The following FLACC1 variants were observed in gnomAD, a reference collection of about 807,000 sequenced individuals.
FLACC1 encodes flagellum-associated coiled-coil domain-containing protein 1.
FLACC1 carries 66 observed loss-of-function variants against 62.8 expected under a neutral mutation model. The observed-to-expected ratio is 1.05, with a 90% CI of 0.86 to 1.29. FLACC1 has a LOEUF of 1.29. Ranked by LOEUF, FLACC1 falls within the 50% of genes most tolerant of loss-of-function variation. The probability of loss-of-function intolerance (pLI) is 0.00; values close to 1 mark genes in which losing one functional copy is unlikely to be tolerated. For synonymous variants in FLACC1, 156 were observed against 161.0 expected, an observed-to-expected ratio of 0.97 and a Z score of 0.24; for missense variants, 452 against 489.1, an observed-to-expected ratio of 0.92 and a Z score of 0.71.
chr2:201,306,707 G>A (rs1015540498), intron 11 of FLACC1, among the ~76,000 whole-genome samples: 1 of 152,094 alleles, frequency 6.6e-6, no homozygotes, highest in Admixed American at 6.6e-5. Context: ...TAAAGCTTCT[G>A]TATATCGAAA....
chr2:201,341,452 CTATA>C (rs959782290), intron 7 of FLACC1, among the ~76,000 whole-genome samples: 1 of 148,582 alleles, frequency 6.7e-6, no homozygotes, highest in Non-Finnish European at 1.5e-5. Flanking sequence ...AACCATTATA[CTATA>C]TATATTACAC....
intron 7 of FLACC1, among the ~76,000 whole-genome samples, chr2:201,332,237 TACTTTAAA>T (rs1950608613): frequency 1.3e-5 from 2 of 152,112 alleles, no homozygotes; most frequent in South Asian, 4.2e-4. Context: ...TCACCTGAAA[TACTTTAAA>T]GTTTTTTCTT....
intron 7 of FLACC1, among the ~76,000 whole-genome samples, chr2:201,335,993 T>C (rs1285864024): frequency 6.6e-6 from 1 of 152,194 alleles, no homozygotes; most frequent in Non-Finnish European, 1.5e-5. Context: ...TACTACTAAT[T>C]TTTTTCTTTT....
At chr2:201,323,125 G>A (rs1950436501) in intron 9 of FLACC1, among the ~76,000 whole-genome samples, 1 of 152,176 alleles carries the variant, frequency 6.6e-6, no homozygotes, top group Non-Finnish European at 1.5e-5. Context: ...AATAACTGGT[G>A]TTCCAGAGGA....
intron 7 of FLACC1, among the ~76,000 whole-genome samples, chr2:201,341,667 A>T (rs1950812929): frequency 6.6e-6 from 1 of 152,018 alleles, no homozygotes; most frequent in Admixed American, 6.6e-5. Context: ...CTGTGGTGAG[A>T]ACAGCTATAA....
In FLACC1 at chr2:201,288,701, T is replaced by C; in HGVS notation, c.1223A>G (p.Asp408Gly). 6.2e-7 allele frequency: 1 copy of C among 1,614,122 alleles called. No individual in the cohort carries two copies. Among genetic ancestry groups the C allele is most frequent in the Non-Finnish European group, 8.5e-7 (1 of 1,180,012 alleles). ...RLASITVSKD[D>G]SDTVQDGSKK... ...GCTACCATCTTGCACAGTGTCAGAA[T>C]CATCCTTAGAAACAGTAATAGAGGC... The change falls in exon 15 of 15, where the codon GAT (aspartate) becomes GGT (glycine). Residue 408 changes from aspartate to glycine, a missense_variant. Physicochemically the swap from Asp to Gly is moderately conservative, Grantham distance 94. Transcript: ENST00000392257.
chr2:201,341,129 A>G (rs1008161459), intron 7 of FLACC1, among the ~76,000 whole-genome samples: 2 of 151,884 alleles, frequency 1.3e-5, no homozygotes, highest in Non-Finnish European at 2.9e-5. Context: ...GGTGCACAGG[A>G]ACTCTCTGTA....
Position 201,309,149 on chromosome 2 carries a change from A to C in FLACC1, c.775+2T>G. On this transcript the variant is annotated splice_donor_variant, in intron 10 of 14. Transcript: ENST00000392257. LOFTEE classifies it high-confidence loss of function. ...CAAAAAAGCTAGAGTTTCTGTACTCACTTTGCTGTAGCAGGATATTTTCTC... is the reference window on the plus strand; with the variant it reads ...CAAAAAAGCTAGAGTTTCTGTACTCCCTTTGCTGTAGCAGGATATTTTCTC... The C allele has an allele frequency of 6.2e-7, 1 of 1,612,068 alleles. No homozygotes were observed. Among genetic ancestry groups the C allele is most frequent in the Non-Finnish European group, 8.5e-7 (1 of 1,178,214 alleles).
intron 9 of FLACC1, among the ~76,000 whole-genome samples, chr2:201,316,707 AG>A (rs530924419): frequency 6.1e-4 from 93 of 152,298 alleles, no homozygotes; most frequent in African/African-American, 2.2e-3. Context: ...CATTGTATGA[AG>A]CCAGTATCAC....
chr2:201,333,362 A>G (rs1189702714), intron 7 of FLACC1, among the ~76,000 whole-genome samples: 1 of 152,114 alleles, frequency 6.6e-6, no homozygotes, highest in Non-Finnish European at 1.5e-5. Context: ...CTTTTGAGAA[A>G]TGTCTATTCA....
intron 12 of FLACC1, among the ~76,000 whole-genome samples, chr2:201,291,394 CT>C (rs993598547): frequency 6.6e-6 from 1 of 152,234 alleles, no homozygotes; most frequent in Admixed American, 6.5e-5. Context: ...GCAGCCTCCG[CT>C]GCTGATACCC....
At chr2:201,323,464 G>C (rs548695134) in intron 9 of FLACC1, among the ~76,000 whole-genome samples, 1 of 152,176 alleles carries the variant, frequency 6.6e-6, no homozygotes, top group Non-Finnish European at 1.5e-5. Flanking sequence ...GAAAAAAACT[G>C]TCAGCCAAGA....
chr2:201,294,194 C>G (rs2125537374), intron 12 of FLACC1, among the ~76,000 whole-genome samples: 1 of 152,236 alleles, frequency 6.6e-6, no homozygotes, highest in South Asian at 2.1e-4. Context: ...ATCCTGATAC[C>G]AAAGCCTGGC....
intron 9 of FLACC1, among the ~76,000 whole-genome samples, chr2:201,329,052 T>A (rs1950545765): frequency 6.6e-6 from 1 of 152,164 alleles, no homozygotes; most frequent in African/African-American, 2.4e-5. Flanking sequence ...CCAGTCCCAG[T>A]CCAGCCCATG....
chr2:201,310,708 C>CAT (rs1559395665), intron 9 of FLACC1, among the ~76,000 whole-genome samples: 1 of 151,888 alleles, frequency 6.6e-6, no homozygotes, highest in Non-Finnish European at 1.5e-5. Context: ...GCAATTTGGC[C>CAT]ATATATATTA....
At chr2:201,296,162 G>A (rs1445800472) in intron 12 of FLACC1, among the ~76,000 whole-genome samples, 3 of 152,156 alleles carry the variant, frequency 2.0e-5, no homozygotes, top group South Asian at 4.1e-4. Context: ...CCATTACTGG[G>A]TATATACCCA....
chr2:201,342,324 C>A, intron 7 of FLACC1, 46 bp downstream of exon 7: 1 of 1,602,392 alleles, frequency 6.2e-7, no homozygotes, highest in Non-Finnish European at 8.5e-7. Flanking sequence ...GATGCGGGAC[C>A]CTTAGAGCCA....
At position 201,299,256 on chromosome 2, in the gene FLACC1, C is replaced by T. The variant is rs1234230710; in HGVS notation, c.924G>A (p.Glu308=). 3.1e-6 allele frequency: 5 copies of T among 1,613,508 alleles called. No homozygotes were observed. In the African/African-American group the frequency reaches 4.0e-5, roughly 13 times the overall value. The change falls in exon 12 of 15, where the codon GAG becomes GAA. Residue 308 remains glutamate, a synonymous_variant. Transcript: ENST00000392257. ...AGCTTACCTCTTTGGTTTTTCTCAG[C>T]TCTTCTAATTGCAAGGTGTCACTTT... is the stretch of plus-strand genomic sequence containing the variant. The part of the protein sequence containing the change: ...QHQSDTLQLE[E]LRKTKEVMQE...
intron 7 of FLACC1, among the ~76,000 whole-genome samples, chr2:201,334,541 T>C (rs1950655256): frequency 6.6e-6 from 1 of 152,176 alleles, no homozygotes; most frequent in Non-Finnish European, 1.5e-5. Flanking sequence ...CTCAGCACTT[T>C]GGGAGGCCGA....
Sources: allele counts gnomAD v4.1 joint callset (sites outside exome capture counted in the v4.1 genomes callset), GRCh38; gene constraint gnomAD v4.1.1; transcripts MANE v1.5; gene names NCBI Gene and HGNC (gene_info 2026-07-23, HGNC 2026-07-21).